The following RSRP1 variants were observed in gnomAD, a reference collection of about 807,000 sequenced individuals.
The protein encoded by RSRP1 is arginine/serine-rich protein 1.
A neutral mutation model predicts 33.0 loss-of-function variants in RSRP1; 37 were observed. The ratio of observed to expected loss-of-function variants is 1.12; its 90% confidence interval spans 0.86 to 1.48. The LOEUF (loss-of-function observed/expected upper bound fraction) is 1.48. Ranked by LOEUF, RSRP1 falls within the 40% of genes most tolerant of loss-of-function variation. RSRP1 has a pLI of 0.00. For missense variants in RSRP1, 402 were observed against 385.3 expected, an observed-to-expected ratio of 1.04 and a Z score of -0.36; for synonymous variants, 167 against 158.7, an observed-to-expected ratio of 1.05 and a Z score of -0.40.
chr1:25,301,644 C>T, intron 1 of RSRP1: 2 of 1,380,482 alleles, frequency 1.4e-6, no homozygotes, highest in South Asian at 1.2e-5. Context: ...TGACAGCCAT[C>T]TCAGGGTCAT....
chr1:25,329,049 A>T, intron 1 of RSRP1: 1 of 1,371,686 alleles, frequency 7.3e-7, no homozygotes, highest in South Asian at 1.2e-5. Flanking sequence ...CAGGCACTGG[A>T]GTCAGAGAAA....
At position 25,246,940 on chromosome 1, in the gene RSRP1, CAT is replaced by C. The variant is rs771998543; in HGVS notation, c.22_23del (p.Met8ValfsTer27). The C allele has an allele frequency of 1.9e-6, 3 of 1,586,084 alleles. No individual in the cohort carries two copies. The highest frequency in any genetic ancestry group is 2.6e-6 in the Non-Finnish European group (3 of 1,162,854). MSNYVNDMWPGSPQEKDS... is the reference protein window; with the variant it reads MSNYVNDXWPGSPQEKDS... ...CCTTCTCCTGCGGCGAGCCCGGCCACATGTCGTTCACGTAGTTGGACATCTTC... is the reference window on the plus strand; with the variant it reads ...CCTTCTCCTGCGGCGAGCCCGGCCACGTCGTTCACGTAGTTGGACATCTTC... On this transcript the variant is annotated frameshift_variant, in exon 2 of 5. Transcript: ENST00000243189. LOFTEE classifies it high-confidence loss of function.
At chr1:25,260,864 C>G (rs187743109) in intron 1 of RSRP1, among the ~76,000 whole-genome samples, 1 of 151,072 alleles carries the variant, frequency 6.6e-6, no homozygotes, top group African/African-American at 2.4e-5. Flanking sequence ...GTGGCCCGAT[C>G]GATCTCGGCT....
At chr1:25,312,442 CAAGTT>C (rs1188183331) in intron 1 of RSRP1, among the ~76,000 whole-genome samples, 1 of 121,990 alleles carries the variant, frequency 8.2e-6, no homozygotes. Flanking sequence ...GGTGCTGGAA[CAAGTT>C]AAGACTTTGG....
chr1:25,316,038 G>A lies in RSRP1; in HGVS notation c.-67+21940C>T, dbSNP rs1446997982. ...CCTGTTGAGACAAGAAACAGGAAAG[G>A]CTTAAAAAACTGGCTTGTTATGTAC... On this transcript the variant is annotated intron_variant, in intron 1 of 1. Coordinates refer to the RSRP1 transcript ENST00000561867. 1.5e-5 allele frequency among the ~76,000 whole-genome samples: 2 copies of A among 131,036 alleles called. 1 individual carries two copies. The highest frequency in any genetic ancestry group is 3.6e-5 in the Non-Finnish European group (2 of 55,480). 86.0% of individuals were successfully genotyped at this position (131,036 alleles called of 152,430 possible).
At chr1:25,243,965 G>C (rs1639124613) in intron 3 of RSRP1, 2 of 1,149,054 alleles carry the variant, frequency 1.7e-6, no homozygotes, top group African/African-American at 3.2e-5. Flanking sequence ...GCATTTGCCA[G>C]TTAGGCACCT....
rs560036617 is a variant in RSRP1, at chr1:25,308,973, G to A, written c.-67+29005C>T. On this transcript the variant is annotated intron_variant, in intron 1 of 1. Transcript: ENST00000561867. ...TGTGCAGATTTAGCAACAGAACATA[G>A]CCCCGTTCTTTATGATGACTGATGC... Among the ~76,000 whole-genome samples the A allele has an allele frequency of 9.1e-5, 12 of 131,652 alleles. 2 individuals are homozygous for A. The highest frequency in any genetic ancestry group is 6.6e-4 in the Admixed American group (9 of 13,606). 86.4% of individuals were successfully genotyped at this position (131,652 alleles called of 152,430 possible).
At chr1:25,299,096 A>AT (rs1225704025) in intron 1 of RSRP1, among the ~76,000 whole-genome samples, 6 of 126,942 alleles carry the variant, frequency 4.7e-5, no homozygotes, top group African/African-American at 1.6e-4. Context: ...AAAAAAAAAA[A>AT]ACAGGCTGGG....
chr1:25,258,580 T>C (rs541045287), intron 1 of RSRP1, among the ~76,000 whole-genome samples: 1 of 152,272 alleles, frequency 6.6e-6, no homozygotes, highest in Admixed American at 6.5e-5. Context: ...TATCTGAGGT[T>C]TCTGTTGCTA....
chr1:25,244,216 T>G (rs1381387906), intron 3 of RSRP1: 1 of 1,289,156 alleles, frequency 7.8e-7, no homozygotes, highest in Non-Finnish European at 1.0e-6. Flanking sequence ...CTGTAATCTC[T>G]CAAAACATCT....
chr1:25,290,885 T>C (rs1642443913), intron 1 of RSRP1: 2 of 1,220,240 alleles, frequency 1.6e-6, no homozygotes, highest in African/African-American at 1.5e-5. Context: ...AAAGACAACC[T>C]GTAATCCCAG....
At chr1:25,333,798 G>C (rs1316957540) in intron 1 of RSRP1, among the ~76,000 whole-genome samples, 2 of 130,070 alleles carry the variant, frequency 1.5e-5, no homozygotes, top group African/African-American at 5.3e-5. Flanking sequence ...CAAAGACAAA[G>C]ACAGCTTGTG....
chr1:25,269,004 T>G (rs943303059), intron 1 of RSRP1, among the ~76,000 whole-genome samples: 1 of 128,000 alleles, frequency 7.8e-6, no homozygotes. Flanking sequence ...AAGGGGATGG[T>G]GGAGGATCCA....
At chr1:25,252,428 T>C (rs1424075109), upstream of RSRP1, among the ~76,000 whole-genome samples, 1 of 151,678 alleles carries the variant, frequency 6.6e-6, no homozygotes, top group African/African-American at 2.4e-5. Flanking sequence ...GGAGGATTCA[T>C]CACCAGACCG....
chr1:25,254,962 G>A (rs896551803), intron 1 of RSRP1, among the ~76,000 whole-genome samples: 3 of 152,150 alleles, frequency 2.0e-5, no homozygotes, highest in African/African-American at 7.2e-5. Context: ...TATTGCTTGA[G>A]GACTGGTCTG....
At chr1:25,275,088 G>A (rs1221863119) in intron 1 of RSRP1, among the ~76,000 whole-genome samples, 2 of 132,144 alleles carry the variant, frequency 1.5e-5, no homozygotes, top group African/African-American at 5.2e-5. Flanking sequence ...TCAGGAGTTC[G>A]AGACCAGCCT....
At chr1:25,257,680 G>C (rs1639991328) in intron 1 of RSRP1, among the ~76,000 whole-genome samples, 1 of 149,676 alleles carries the variant, frequency 6.7e-6, no homozygotes, top group Non-Finnish European at 1.5e-5. Flanking sequence ...GCTCACTGCA[G>C]CCTCAACCTC....
chr1:25,261,963 C>T (rs1274124009), intron 1 of RSRP1, among the ~76,000 whole-genome samples: 1 of 152,016 alleles, frequency 6.6e-6, no homozygotes, highest in African/African-American at 2.4e-5. Flanking sequence ...CCTCCTGCCT[C>T]GGCCTCCCAA....
intron 1 of RSRP1, among the ~76,000 whole-genome samples, chr1:25,274,352 A>T (rs1482787119): frequency 1.5e-5 from 2 of 132,562 alleles, no homozygotes; most frequent in African/African-American, 5.1e-5. Flanking sequence ...GCCCCATTTT[A>T]CAGTGGGCTT....
Sources: allele counts gnomAD v4.1 joint callset (sites outside exome capture counted in the v4.1 genomes callset), GRCh38; gene constraint gnomAD v4.1.1; transcripts MANE v1.5; gene names NCBI Gene and HGNC (gene_info 2026-07-23, HGNC 2026-07-21).